Variants in PRKAR2A observed in about 807,000 individuals in gnomAD.
PRKAR2A encodes the protein protein kinase cAMP-dependent type II regulatory subunit alpha.
Under a neutral mutation model 51.9 loss-of-function variants are expected in PRKAR2A, and 29 were observed. The ratio of observed to expected loss-of-function variants is 0.56; its 90% confidence interval spans 0.42 to 0.76. The LOEUF (loss-of-function observed/expected upper bound fraction) is 0.76. PRKAR2A is among the 30% of genes least tolerant of loss of function. PRKAR2A has a pLI of 0.00. For missense variants in PRKAR2A, 445 were observed against 512.1 expected, an observed-to-expected ratio of 0.87 and a Z score of 1.26; for synonymous variants, 178 against 186.2, an observed-to-expected ratio of 0.96 and a Z score of 0.36.
intron 1 of PRKAR2A, among the ~76,000 whole-genome samples, chr3:48,833,097 G>A (rs1429738773): frequency 1.3e-5 from 2 of 152,100 alleles, no homozygotes; most frequent in Admixed American, 6.6e-5. Flanking sequence ...TAACACTGGC[G>A]CAATCACAGC....
At chr3:48,784,907 T>C (rs1243702325) in intron 4 of PRKAR2A, among the ~76,000 whole-genome samples, 2 of 152,152 alleles carry the variant, frequency 1.3e-5, no homozygotes, top group Admixed American at 1.3e-4. Context: ...CTATATGTGA[T>C]TCATGATGTT....
Position 48,782,993 on chromosome 3 carries a change from T to C in PRKAR2A, c.535A>G (p.Ile179Val), listed in dbSNP as rs1365286322. ...CAAAGCTCCATCTCCTACCGTTCTATGACATAAAAGTTGTCTCCATCATCT... is the reference window on the plus strand; with the variant it reads ...CAAAGCTCCATCTCCTACCGTTCTACGACATAAAAGTTGTCTCCATCATCT... ...QGDDGDNFYVIERGTYDILVT... is the reference protein window; with the variant it reads ...QGDDGDNFYVVERGTYDILVT... Residue 179 changes from isoleucine to valine, a missense_variant, in exon 5 of 11, where the codon ATA (isoleucine) becomes GTA (valine). By Grantham distance (29) the Ile-to-Val change is conservative. Coordinates refer to ENST00000265563, the MANE Select transcript of PRKAR2A (RefSeq NM_004157.4). 5 of 1,604,842 alleles carry C rather than the reference T, an allele frequency of 3.1e-6. No individual in the cohort carries two copies. Among genetic ancestry groups the C allele is most frequent in the Non-Finnish European group, 4.3e-6 (5 of 1,171,634 alleles).
intron 1 of PRKAR2A, among the ~76,000 whole-genome samples, chr3:48,836,438 A>AAAAAAAAAAAAAAAAAAAAAAT (rs2083286864): frequency 1.0e-5 from 1 of 99,716 alleles, no homozygotes. Flanking sequence ...AAAAAAAAAA[A>AAAAAAAAAAAAAAAAAAAAAAT]AAAAAAGAAG....
chr3:48,847,068 G>A lies in PRKAR2A; in HGVS notation c.262+267C>T, dbSNP rs951548337. Among the ~76,000 whole-genome samples the A allele has an allele frequency of 2.0e-5, 3 of 152,236 alleles. No homozygotes were observed. Among genetic ancestry groups the A allele is most frequent in the African/African-American group, 4.8e-5 (2 of 41,474 alleles). On this transcript the variant is annotated intron_variant, in intron 1 of 10. Transcript: ENST00000265563. The surrounding 1 kb of genome is among the most constrained non-coding windows in gnomAD (Gnocchi z 4.4). The stretch of plus-strand genomic sequence containing the variant: ...GCAAAGGCGAGGGATCCTCTAGCAG[G>A]GCCGACAGCGCGCACGTTTCCTTCA...
intron 2 of PRKAR2A, among the ~76,000 whole-genome samples, chr3:48,795,539 CAA>C (rs1223839820): frequency 1.3e-5 from 2 of 152,080 alleles, no homozygotes; most frequent in Admixed American, 6.6e-5. Context: ...ATAGCAATTC[CAA>C]AACTCTTCTT....
chr3:48,758,357 C>G (rs1246836433), intron 8 of PRKAR2A, among the ~76,000 whole-genome samples: 1 of 151,520 alleles, frequency 6.6e-6, no homozygotes, highest in Non-Finnish European at 1.5e-5. Context: ...GGCAGGCAGA[C>G]TGCCTGAGCT....
chr3:48,782,680 C>A (rs535578857), intron 5 of PRKAR2A, among the ~76,000 whole-genome samples: 2 of 152,076 alleles, frequency 1.3e-5, no homozygotes, highest in African/African-American at 2.4e-5. Flanking sequence ...GGTCTCAAAC[C>A]CCTCACCTCA....
chr3:48,802,452 A>AG (rs910013938), intron 2 of PRKAR2A, among the ~76,000 whole-genome samples: 1 of 152,152 alleles, frequency 6.6e-6, no homozygotes, highest in South Asian at 2.1e-4. Flanking sequence ...TGAGTTTAAA[A>AG]GGAAAAAAAA....
chr3:48,773,753 T>C (rs368030173), intron 5 of PRKAR2A, among the ~76,000 whole-genome samples: 44 of 151,462 alleles, frequency 2.9e-4, no homozygotes, highest in East Asian at 1.4e-3. Context: ...TATATATATA[T>C]ACACACACAC....
intron 9 of PRKAR2A, among the ~76,000 whole-genome samples, chr3:48,753,707 G>A (rs1054415346): frequency 3.9e-5 from 6 of 152,062 alleles, no homozygotes; most frequent in African/African-American, 1.5e-4. Context: ...GTAAATCTGG[G>A]GAAAAGCCAG....
At position 48,827,487 on chromosome 3, in the gene PRKAR2A, T is replaced by C. The variant is rs184267063; in HGVS notation, c.263-19803A>G. Among the ~76,000 whole-genome samples the C allele has an allele frequency of 7.2e-5, 11 of 152,322 alleles. 1 individual carries two copies. Among genetic ancestry groups the C allele is most frequent in the South Asian group, 6.2e-4 (3 of 4,826 alleles). Reference sequence around the variant, plus strand: ...CATGTATCACTTCATTCTGAGAAATTTGTTAGGCAATTTCATCATTCTGCA... The same window carrying C: ...CATGTATCACTTCATTCTGAGAAATCTGTTAGGCAATTTCATCATTCTGCA... On this transcript the variant is annotated intron_variant, in intron 1 of 10. Transcript: ENST00000265563.
intron 2 of PRKAR2A, among the ~76,000 whole-genome samples, chr3:48,801,967 C>G (rs2082597266): frequency 6.6e-6 from 1 of 151,870 alleles, no homozygotes; most frequent in South Asian, 2.1e-4. Flanking sequence ...TGGAGTGCAA[C>G]AGTACGATCT....
chr3:48,824,080 A>G (rs1332525281), intron 1 of PRKAR2A, among the ~76,000 whole-genome samples: 1 of 152,130 alleles, frequency 6.6e-6, no homozygotes, highest in Non-Finnish European at 1.5e-5. Context: ...GTCTCTATTA[A>G]AAATACAAAA....
intron 5 of PRKAR2A, among the ~76,000 whole-genome samples, chr3:48,778,654 G>A (rs2082142098): frequency 6.6e-6 from 1 of 151,638 alleles, no homozygotes; most frequent in Non-Finnish European, 1.5e-5. Context: ...CAGGTAGCTG[G>A]GACTACAGGC....
chr3:48,788,747 G>A (rs1400905001), intron 4 of PRKAR2A, among the ~76,000 whole-genome samples: 5 of 152,068 alleles, frequency 3.3e-5, no homozygotes, highest in African/African-American at 9.7e-5. Flanking sequence ...TACGAACCAG[G>A]AAGTGGGCTC....
intron 8 of PRKAR2A, among the ~76,000 whole-genome samples, chr3:48,757,440 T>C (rs964799645): frequency 6.6e-6 from 1 of 152,242 alleles, no homozygotes; most frequent in African/African-American, 2.4e-5. Context: ...GAAGTAACTA[T>C]ATCTAATTTC....
At chr3:48,823,072 T>A (rs2082995217) in intron 1 of PRKAR2A, among the ~76,000 whole-genome samples, 2 of 142,236 alleles carry the variant, frequency 1.4e-5, no homozygotes, top group South Asian at 2.2e-4. Flanking sequence ...TTTAAGTGAC[T>A]TTTTTTTTTT....
chr3:48,774,019 G>A (rs569035682), intron 5 of PRKAR2A, among the ~76,000 whole-genome samples: 1 of 152,114 alleles, frequency 6.6e-6, no homozygotes, highest in Admixed American at 6.6e-5. Context: ...TTTTTGTAGA[G>A]ATGGGGTCTC....
chr3:48,793,293 T>C (rs1002806705), intron 3 of PRKAR2A, among the ~76,000 whole-genome samples: 13 of 152,142 alleles, frequency 8.5e-5, no homozygotes, highest in African/African-American at 3.1e-4. Flanking sequence ...ATTTAAGTTG[T>C]TGCCATTTTT....
Sources: allele counts gnomAD v4.1 joint callset (sites outside exome capture counted in the v4.1 genomes callset), GRCh38; gene constraint gnomAD v4.1.1; non-coding constraint Gnocchi (gnomAD v3.1); transcripts MANE v1.5; gene names NCBI Gene and HGNC (gene_info 2026-07-23, HGNC 2026-07-21).